NPAS2: variants seen among roughly 807,000 people sequenced by gnomAD.
The protein encoded by NPAS2 is neuronal PAS domain protein 2.
Under a neutral mutation model 107.5 loss-of-function variants are expected in NPAS2, and 23 were observed. The observed-to-expected ratio is 0.21, with a 90% CI of 0.15 to 0.30. NPAS2 has a LOEUF of 0.30. Ranked by LOEUF, NPAS2 falls within the 10% of genes least tolerant of loss-of-function variation. The probability of loss-of-function intolerance (pLI) is 1.00; values close to 1 mark genes in which losing one functional copy is unlikely to be tolerated. For synonymous variants in NPAS2, 403 were observed against 417.5 expected (o/e 0.97, Z 0.42); for missense variants, 756 against 1,043.3 (o/e 0.72, Z 3.79).
chr2:100,926,776 C>G (rs1683591865), intron 3 of NPAS2, among the ~76,000 whole-genome samples: 1 of 151,906 alleles, frequency 6.6e-6, no homozygotes, highest in Non-Finnish European at 1.5e-5. Context: ...CTTTGACACA[C>G]GAAGGTTTTA....
At chr2:100,878,713 T>A in intron 1 of NPAS2, 2 of 491,452 alleles carry the variant, frequency 4.1e-6, no homozygotes, top group Non-Finnish European at 5.3e-6. Flanking sequence ...GATACCCAAC[T>A]ATAAGGGAGA....
chr2:100,920,009 G>A (rs980791586), intron 2 of NPAS2, among the ~76,000 whole-genome samples: 3 of 152,174 alleles, frequency 2.0e-5, no homozygotes, highest in Non-Finnish European at 2.9e-5. Context: ...CTTCATTGCC[G>A]CCTCCTCCAT....
intron 1 of NPAS2, among the ~76,000 whole-genome samples, chr2:100,825,949 A>G (rs1316675854): frequency 6.6e-6 from 1 of 152,200 alleles, no homozygotes; most frequent in Non-Finnish European, 1.5e-5. Context: ...TTTCTGAATT[A>G]CACAAAGAAG....
intron 2 of NPAS2, among the ~76,000 whole-genome samples, chr2:100,906,163 C>A (rs1430432925): frequency 1.3e-5 from 2 of 152,182 alleles, no homozygotes; most frequent in African/African-American, 4.8e-5. Flanking sequence ...CCCAGCTTAT[C>A]CTGAAGTGAC....
At chr2:100,894,951 CA>C (rs1415089968) in intron 1 of NPAS2, among the ~76,000 whole-genome samples, 2 of 152,184 alleles carry the variant, frequency 1.3e-5, no homozygotes, top group African/African-American at 2.4e-5. Context: ...ATTGATTAGG[CA>C]AAACATCCAG....
chr2:100,879,549 T>C (rs993596254), intron 1 of NPAS2, among the ~76,000 whole-genome samples: 2 of 152,046 alleles, frequency 1.3e-5, no homozygotes, highest in African/African-American at 2.4e-5. Flanking sequence ...TCTTCTCTTA[T>C]CTCTGTTTTT....
intron 1 of NPAS2, among the ~76,000 whole-genome samples, chr2:100,882,579 C>T (rs1346714592): frequency 2.6e-5 from 4 of 152,208 alleles, no homozygotes; most frequent in African/African-American, 7.2e-5. Flanking sequence ...CACCACTGCG[C>T]TCCAGCCTGG....
intron 1 of NPAS2, among the ~76,000 whole-genome samples, chr2:100,890,959 G>A (rs13418034): frequency 0.055 from 8,334 of 152,042 alleles, 739 homozygotes; most frequent in African/African-American, 0.19. Flanking sequence ...TGGTCCAGGC[G>A]CAGTGGCTCA....
At chr2:100,944,348 T>C (rs1422620598) in intron 5 of NPAS2, among the ~76,000 whole-genome samples, 1 of 152,180 alleles carries the variant, frequency 6.6e-6, no homozygotes, top group Non-Finnish European at 1.5e-5. Flanking sequence ...CTCAGTGTGC[T>C]TTTAGTACAG....
intron 1 of NPAS2, among the ~76,000 whole-genome samples, chr2:100,876,002 A>G (rs1159397413): frequency 6.6e-6 from 1 of 152,198 alleles, no homozygotes; most frequent in Non-Finnish European, 1.5e-5. Context: ...TTAGCCTCAA[A>G]AATGCTATAA....
intron 14 of NPAS2, 102 bp downstream of exon 14, chr2:100,975,669 C>A: frequency 1.2e-6 from 1 of 827,412 alleles, no homozygotes; most frequent in Non-Finnish European, 1.8e-6. Context: ...ATCCGTTTTA[C>A]TTAGGGATTG....
At chr2:100,866,080 C>T (rs571456383) in intron 1 of NPAS2, among the ~76,000 whole-genome samples, 1 of 152,292 alleles carries the variant, frequency 6.6e-6, no homozygotes, top group African/African-American at 2.4e-5. Context: ...TGCTCTGGTC[C>T]CTGCAGCTGT....
chr2:100,834,285 G>C (rs1045681722), intron 1 of NPAS2, among the ~76,000 whole-genome samples: 1 of 152,140 alleles, frequency 6.6e-6, no homozygotes, highest in African/African-American at 2.4e-5. Context: ...GGAGGGCCAC[G>C]CCACAGGCCA....
At chr2:100,891,231 CAAAA>C (rs141211705) in intron 1 of NPAS2, among the ~76,000 whole-genome samples, 2 of 93,864 alleles carry the variant, frequency 2.1e-5, no homozygotes. Context: ...GACTCCATCT[CAAAA>C]AAAAAAAAAA....
At chr2:100,955,027 G>A (rs1201262984) in intron 7 of NPAS2, among the ~76,000 whole-genome samples, 1 of 152,104 alleles carries the variant, frequency 6.6e-6, no homozygotes, top group East Asian at 1.9e-4. Context: ...ACAGGCATGT[G>A]CCGCGATGCC....
chr2:100,874,726 G>T (rs1430234482), intron 1 of NPAS2, among the ~76,000 whole-genome samples: 5 of 152,036 alleles, frequency 3.3e-5, no homozygotes, highest in African/African-American at 1.2e-4. Context: ...TGGGGGACAG[G>T]AGTGAAACTC....
Position 100,937,839 on chromosome 2 carries a change from AC to A in NPAS2, c.362del (p.Pro121ArgfsTer10). 6.2e-7 allele frequency: 1 copy of A among 1,611,716 alleles called. No individual in the cohort carries two copies. Among genetic ancestry groups the A allele is most frequent in the African/African-American group, 1.3e-5 (1 of 74,950 alleles). On this transcript the variant is annotated frameshift_variant and splice_region_variant, in exon 5 of 21. Coordinates refer to ENST00000335681, the MANE Select transcript of NPAS2 (RefSeq NM_002518.4). LOFTEE classifies it high-confidence loss of function. ...GTATCACGCCTCTCCTTGGGCATTT[AC>A]CGGTGAGTTTCCACTCCAATGGCCT... Reference protein sequence around the residue: ...DSITPLLGHLPSDVMDQNLLN... With the variant: ...DSITPLLGHLXSDVMDQNLLN...
At chr2:100,889,138 C>T (rs1680896167) in intron 1 of NPAS2, among the ~76,000 whole-genome samples, 1 of 152,162 alleles carries the variant, frequency 6.6e-6, no homozygotes, top group African/African-American at 2.4e-5. Context: ...CTAGAGATGA[C>T]ATAAAAGTCA....
intron 3 of NPAS2, among the ~76,000 whole-genome samples, chr2:100,932,288 G>A (rs1001562337): frequency 6.6e-6 from 1 of 152,078 alleles, no homozygotes; most frequent in Non-Finnish European, 1.5e-5. Flanking sequence ...TTTACAAATC[G>A]GCATAATGTC....
Sources: allele counts gnomAD v4.1 joint callset (sites outside exome capture counted in the v4.1 genomes callset), GRCh38; gene constraint gnomAD v4.1.1; transcripts MANE v1.5; gene names NCBI Gene and HGNC (gene_info 2026-07-23, HGNC 2026-07-21).